Variants in RIC8B observed in about 807,000 individuals in gnomAD.
The protein encoded by RIC8B is chaperone Ric-8B.
A neutral mutation model predicts 57.5 loss-of-function variants in RIC8B; 16 were observed. That is an observed-to-expected ratio of 0.28 (90% CI 0.19 to 0.42). The LOEUF (loss-of-function observed/expected upper bound fraction) is 0.42, where lower values mean the gene tolerates loss of function less well. RIC8B is among the 10% of genes least tolerant of loss of function. The probability of loss-of-function intolerance (pLI) is 1.00; values close to 1 mark genes in which losing one functional copy is unlikely to be tolerated. For synonymous variants in RIC8B, 216 were observed against 250.8 expected, an observed-to-expected ratio of 0.86 and a Z score of 1.31; for missense variants, 481 against 677.0, an observed-to-expected ratio of 0.71 and a Z score of 3.21.
At chr12:106,793,021 A>G (rs1047871774) in intron 2 of RIC8B, among the ~76,000 whole-genome samples, 5 of 152,032 alleles carry the variant, frequency 3.3e-5, no homozygotes, top group African/African-American at 1.2e-4. Flanking sequence ...CTGTTGCTGA[A>G]ACTAAATTCT....
chr12:106,813,394 G>A (rs995224630), intron 2 of RIC8B, among the ~76,000 whole-genome samples: 5 of 152,002 alleles, frequency 3.3e-5, no homozygotes, highest in Non-Finnish European at 2.9e-5. Flanking sequence ...GTTCCACCAC[G>A]TTAGCCAGGA....
In RIC8B at chr12:106,840,412, A is replaced by G. The variant is rs148628350; in HGVS notation, c.837-2177A>G. 7.2e-5 allele frequency among the ~76,000 whole-genome samples: 11 copies of G among 152,324 alleles called. No individual in the cohort carries two copies. The East Asian group carries it at 1.9e-3, about 27-fold the overall frequency. On this transcript the variant is annotated intron_variant, in intron 4 of 9. Transcript: ENST00000392837. ...TCTAGGAAGCTGAAAAGGGGAGTGT[A>G]ATATACACAGTATTTCTACCCCCTG...
chr12:106,779,808 GA>G (rs1160674041), intron 1 of RIC8B, among the ~76,000 whole-genome samples: 3 of 150,440 alleles, frequency 2.0e-5, no homozygotes, highest in East Asian at 3.9e-4. Context: ...TTAATTTGGG[GA>G]ATTATGTATC....
At chr12:106,856,189 CT>C (rs1257226214) in intron 7 of RIC8B, among the ~76,000 whole-genome samples, 1 of 152,176 alleles carries the variant, frequency 6.6e-6, no homozygotes, top group Non-Finnish European at 1.5e-5. Context: ...TATTAATAAG[CT>C]ATTAAAATAT....
intron 2 of RIC8B, among the ~76,000 whole-genome samples, chr12:106,812,772 A>T (rs144587331): frequency 6.6e-6 from 1 of 152,202 alleles, no homozygotes; most frequent in Non-Finnish European, 1.5e-5. Flanking sequence ...TGGGCACATT[A>T]TACTTTCCAC....
chr12:106,868,225 C>T (rs1950221456), intron 8 of RIC8B: 1 of 447,828 alleles, frequency 2.2e-6, no homozygotes, highest in Non-Finnish European at 4.5e-6. Context: ...CATTTTTTTC[C>T]CTGAAGCATG....
At chr12:106,838,096 C>T (rs752380154) in intron 4 of RIC8B, among the ~76,000 whole-genome samples, 3 of 152,108 alleles carry the variant, frequency 2.0e-5, no homozygotes, top group Admixed American at 2.0e-4. Context: ...AGGCCATAAA[C>T]TTTGTCATCA....
intron 3 of RIC8B, among the ~76,000 whole-genome samples, chr12:106,818,434 G>A (rs1259199098): frequency 1.3e-5 from 2 of 152,030 alleles, no homozygotes; most frequent in African/African-American, 2.4e-5. Context: ...AAAGTGCTAG[G>A]ATTACAGGCA....
At chr12:106,797,952 G>T in intron 2 of RIC8B, 2 of 679,996 alleles carry the variant, frequency 2.9e-6, no homozygotes, top group South Asian at 1.6e-5. Context: ...TTTATGAATC[G>T]ATTCTATTTA....
rs569744767 is a variant in RIC8B, at chr12:106,867,613, A to G, written c.1452-3210A>G. Among the ~76,000 whole-genome samples the G allele has an allele frequency of 1.3e-5, 2 of 152,266 alleles. No homozygotes were observed. Among genetic ancestry groups the G allele is most frequent in the South Asian group, 4.1e-4 (2 of 4,826 alleles). ...CCACCAAAAGTAATCTATTTTATGA[A>G]ATCTCACGTCTTTGTTGTCACAATG... On this transcript the variant is annotated intron_variant, in intron 8 of 9. Transcript: ENST00000392837. This position sits in a 1 kb window ranked among gnomAD's most constrained non-coding sequence, Gnocchi z 4.3.
intron 4 of RIC8B, among the ~76,000 whole-genome samples, chr12:106,835,679 A>G (rs1012315284): frequency 6.6e-6 from 1 of 152,236 alleles, no homozygotes; most frequent in Non-Finnish European, 1.5e-5. Flanking sequence ...GGCACCTAGC[A>G]CAAGGCATAG....
chr12:106,778,949 G>A (rs1278141448), intron 1 of RIC8B, among the ~76,000 whole-genome samples: 1 of 152,134 alleles, frequency 6.6e-6, no homozygotes, highest in Admixed American at 6.5e-5. Flanking sequence ...TTTTGCTCTT[G>A]TTGCCCCAGG....
chr12:106,861,806 A>G (rs557249772), intron 8 of RIC8B, among the ~76,000 whole-genome samples: 1 of 152,254 alleles, frequency 6.6e-6, no homozygotes, highest in South Asian at 2.1e-4. Context: ...TCATATTTCT[A>G]AATTAAAGTA....
rs2045264579 is a variant in RIC8B, at chr12:106,810,044, ATTAT to A, written c.133-4645_133-4642del. Among the ~76,000 whole-genome samples, 7 of 151,272 alleles carry A rather than the reference ATTAT, an allele frequency of 4.6e-5. No homozygotes were observed. The South Asian group carries it at 1.5e-3, about 31-fold the overall frequency. On this transcript the variant is annotated intron_variant, in intron 2 of 9. Transcript: ENST00000392837. ...AAAACATATTTATTATTTATTATTTATTATTTATTTCTTAGGAAAAAATAAAACA... is the reference window on the plus strand; with the variant it reads ...AAAACATATTTATTATTTATTATTTATTATTTCTTAGGAAAAAATAAAACA...
At chr12:106,808,220 G>GT (rs1481267234) in intron 2 of RIC8B, among the ~76,000 whole-genome samples, 1 of 152,126 alleles carries the variant, frequency 6.6e-6, no homozygotes, top group African/African-American at 2.4e-5. Context: ...GTCTAGAGGT[G>GT]ATTTAAAGTA....
At chr12:106,851,674 T>C in intron 7 of RIC8B, 80 bp downstream of exon 7, 1 of 1,203,716 alleles carries the variant, frequency 8.3e-7, no homozygotes, top group Non-Finnish European at 1.2e-6. Flanking sequence ...TTAGTACTGG[T>C]CGTCTCATTC....
rs770093137 is a variant in RIC8B, at chr12:106,815,061, C to T, written c.498C>T (p.Arg166=). ...FINDIKCFDL[R]LLFLLSLLHT... ...ATGACATTAAGTGCTTTGACTTGCGCTTGCTCTTCCTTCTGTCACTTTTGC... is the reference window on the plus strand; with the variant it reads ...ATGACATTAAGTGCTTTGACTTGCGTTTGCTCTTCCTTCTGTCACTTTTGC... Residue 166 remains arginine (R), a synonymous_variant, in exon 3 of 10, where the codon CGC becomes CGT. Transcript: ENST00000392837. 6.2e-7 allele frequency: 1 copy of T among 1,614,134 alleles called. No individual in the cohort carries two copies. Among genetic ancestry groups the T allele is most frequent in the African/African-American group, 1.3e-5 (1 of 74,950 alleles).
intron 9 of RIC8B, chr12:106,873,071 T>G: frequency 4.1e-6 from 4 of 985,396 alleles, no homozygotes; most frequent in Non-Finnish European, 3.6e-6. Context: ...CAAATAAATA[T>G]ACAAACGTCA....
chr12:106,818,462 CCT>C (rs2045688098), intron 3 of RIC8B, among the ~76,000 whole-genome samples: 1 of 151,920 alleles, frequency 6.6e-6, no homozygotes, highest in Non-Finnish European at 1.5e-5. Context: ...CCGCGCCCGG[CCT>C]CTCTTTTTTA....
Sources: allele counts gnomAD v4.1 joint callset (sites outside exome capture counted in the v4.1 genomes callset), GRCh38; gene constraint gnomAD v4.1.1; non-coding constraint Gnocchi (gnomAD v3.1); transcripts MANE v1.5; gene names NCBI Gene and HGNC (gene_info 2026-07-23, HGNC 2026-07-21).